The following INPP5D variants were observed in gnomAD, a reference collection of about 807,000 sequenced individuals.
INPP5D encodes the protein inositol polyphosphate-5-phosphatase D, also known as phosphatidylinositol 3,4,5-trisphosphate 5-phosphatase 1.
A neutral mutation model predicts 122.9 loss-of-function variants in INPP5D; 33 were observed. That is an observed-to-expected ratio of 0.27 (90% CI 0.20 to 0.36). The LOEUF (loss-of-function observed/expected upper bound fraction) is 0.36. Ranked by LOEUF, INPP5D falls within the 10% of genes least tolerant of loss-of-function variation. The pLI is 1.00. For missense variants in INPP5D, 1,053 were observed against 1,412.7 expected (o/e 0.75, Z 4.08); for synonymous variants, 584 against 576.2 (o/e 1.01, Z -0.19).
In INPP5D at chr2:233,177,684, G is replaced by A. The variant is rs555953973; in HGVS notation, c.2071+338G>A. Among the ~76,000 whole-genome samples the A allele has an allele frequency of 2.6e-5, 4 of 152,090 alleles. No individual in the cohort carries two copies. The highest frequency in any genetic ancestry group is 4.2e-4 in the South Asian group (2 of 4,814). ...TACCTCCTGGGTTCAAGCGATTCTC[G>A]TGCCACAGCCTCCCCAAGCAGCTGG... On this transcript the variant is annotated intron_variant, in intron 18 of 26. Transcript: ENST00000445964. This position sits in a 1 kb window ranked among gnomAD's most constrained non-coding sequence, Gnocchi z 4.2.
At chr2:233,147,395 A>G (rs941763219) in intron 8 of INPP5D, 76 bp from the exon 9 acceptor site, 1 of 690,246 alleles carries the variant, frequency 1.4e-6, no homozygotes, top group Non-Finnish European at 2.7e-6. Flanking sequence ...CCATGTAGAC[A>G]AGGGGTTCGG....
intron 1 of INPP5D, among the ~76,000 whole-genome samples, chr2:233,067,548 G>C (rs76999017): frequency 0.013 from 2,054 of 152,244 alleles, 51 homozygotes; most frequent in African/African-American, 0.045. Context: ...CAATATTCTT[G>C]GGTCTATATC....
At chr2:233,199,700 G>A (rs1166021786) in intron 25 of INPP5D, among the ~76,000 whole-genome samples, 3 of 148,128 alleles carry the variant, frequency 2.0e-5, no homozygotes, top group Non-Finnish European at 4.5e-5. Flanking sequence ...GTGCTGGCAC[G>A]CACCTGTAGT....
At chr2:233,095,430 G>A (rs1306597452) in intron 2 of INPP5D, among the ~76,000 whole-genome samples, 2 of 152,060 alleles carry the variant, frequency 1.3e-5, no homozygotes, top group African/African-American at 2.4e-5. Context: ...GACCAGCCTG[G>A]CCAACGTGGT....
chr2:233,169,428 T>A (rs1309678080), intron 14 of INPP5D, 27 bp downstream of exon 14: 1 of 1,567,236 alleles, frequency 6.4e-7, no homozygotes. Flanking sequence ...CCCCCAAGAG[T>A]GTGCATTTGG....
chr2:233,200,309 AG>A (rs1695299219), intron 25 of INPP5D, among the ~76,000 whole-genome samples: 1 of 152,248 alleles, frequency 6.6e-6, no homozygotes, highest in African/African-American at 2.4e-5. Flanking sequence ...ACATGTTTCT[AG>A]TAGCCACAGG....
Position 233,060,529 on chromosome 2 carries a change from G to A in INPP5D, c.51G>A (p.Glu17=), listed in dbSNP as rs777542212. 12 of 1,613,718 alleles carry A rather than the reference G, an allele frequency of 7.4e-6. No homozygotes were observed. The highest frequency in any genetic ancestry group is 6.8e-6 in the Non-Finnish European group (8 of 1,179,818). The change falls in exon 1 of 27, where the codon GAG becomes GAA. Residue 17 remains glutamate (E), a synonymous_variant. Coordinates refer to ENST00000445964, the MANE Select transcript of INPP5D (RefSeq NM_001017915.3). ...ACATCACCCGCTCCAAGGCGGAGGA[G>A]CTGCTTTCCAGGACAGGCAAGGACG... ...HGNITRSKAE[E]LLSRTGKDGS...
Position 233,189,703 on chromosome 2 carries a change from C to A in INPP5D, c.2359-147C>A, listed in dbSNP as rs542389030. 3 of 1,199,336 alleles carry A rather than the reference C, an allele frequency of 2.5e-6. No homozygotes were observed. Among genetic ancestry groups the A allele is most frequent in the African/African-American group, 1.5e-5 (1 of 64,730 alleles). 74.3% of individuals were successfully genotyped at this position (1,199,336 alleles called of 1,614,324 possible). On this transcript the variant is annotated intron_variant, in intron 21 of 26. Coordinates refer to ENST00000445964, the MANE Select transcript of INPP5D (RefSeq NM_001017915.3). The surrounding 1 kb of genome is among the most constrained non-coding windows in gnomAD (Gnocchi z 5.6). ...GACAGGGTGTATGTGAAAGCTATAC[C>A]CCACCTGCTCTCTTGGGTATGGACA...
At position 233,197,197 on chromosome 2, in the gene INPP5D, A is replaced by G. The variant is rs1222802985; in HGVS notation, c.2694-898A>G. ...CCTATACGCTCAGAACTCAGTTCTCAGGAGGCCGGTGCCTGACACAGTGGC... is the reference window on the plus strand; with the variant it reads ...CCTATACGCTCAGAACTCAGTTCTCGGGAGGCCGGTGCCTGACACAGTGGC... On this transcript the variant is annotated intron_variant, in intron 24 of 26. Transcript: ENST00000445964. The surrounding 1 kb of genome is among the most constrained non-coding windows in gnomAD (Gnocchi z 4.4). 6.6e-6 allele frequency among the ~76,000 whole-genome samples: 1 copy of G among 152,204 alleles called. No individual in the cohort carries two copies. The highest frequency in any genetic ancestry group is 1.9e-4 in the East Asian group (1 of 5,200).
chr2:233,092,042 T>C (rs1245081001), intron 2 of INPP5D, among the ~76,000 whole-genome samples: 3 of 152,208 alleles, frequency 2.0e-5, no homozygotes, highest in Non-Finnish European at 1.5e-5. Flanking sequence ...GCTTTCCTGT[T>C]CCGAAATTAT....
At chr2:233,142,619 G>A (rs1693656037) in intron 6 of INPP5D, among the ~76,000 whole-genome samples, 1 of 152,162 alleles carries the variant, frequency 6.6e-6, no homozygotes, top group South Asian at 2.1e-4. Flanking sequence ...ATGCTGGCTG[G>A]CCTGGGGGAT....
chr2:233,201,315 T>C (rs1318217479), intron 25 of INPP5D, among the ~76,000 whole-genome samples: 3 of 152,212 alleles, frequency 2.0e-5, no homozygotes, highest in Non-Finnish European at 2.9e-5. Context: ...TGTAAGTGAA[T>C]GCTTTTCAGC....
In INPP5D at chr2:233,206,969, G is replaced by A; in HGVS notation, c.*261G>A. 1 of 478,412 alleles carries A rather than the reference G, an allele frequency of 2.1e-6. No homozygotes were observed. Among genetic ancestry groups the A allele is most frequent in the Non-Finnish European group, 3.8e-6 (1 of 264,760 alleles). The allele number at this position is 478,412 out of a possible 1,614,324, so 29.6% of individuals were successfully genotyped here. On this transcript the variant is annotated 3_prime_UTR_variant, in exon 27 of 27. Coordinates refer to ENST00000445964, the MANE Select transcript of INPP5D (RefSeq NM_001017915.3). This position sits in a 1 kb window ranked among gnomAD's most constrained non-coding sequence, Gnocchi z 4.0. The stretch of plus-strand genomic sequence containing the variant: ...GTCCCCAGCTCGCTCTTGGTACTTG[G>A]GACCCCAGTGCCTCGTTGAGGGCGC...
intron 5 of INPP5D, chr2:233,131,088 T>A (rs1693312734): frequency 1.2e-6 from 1 of 806,374 alleles, no homozygotes; most frequent in Non-Finnish European, 1.5e-6. Flanking sequence ...AGATTTCCAG[T>A]GATGTCAATT....
At chr2:233,135,887 C>G (rs968393205) in intron 5 of INPP5D, among the ~76,000 whole-genome samples, 1 of 152,144 alleles carries the variant, frequency 6.6e-6, no homozygotes, top group African/African-American at 2.4e-5. Context: ...TACTGAGCAG[C>G]AAAATATGAA....
intron 6 of INPP5D, among the ~76,000 whole-genome samples, chr2:233,141,833 G>A (rs1463204320): frequency 1.3e-5 from 2 of 152,312 alleles, no homozygotes; most frequent in African/African-American, 4.8e-5. Flanking sequence ...CTGGGGAGAA[G>A]GGGACTGGGC....
chr2:233,151,802 C>T (rs1263605949), intron 9 of INPP5D, among the ~76,000 whole-genome samples: 2 of 152,178 alleles, frequency 1.3e-5, no homozygotes, highest in East Asian at 1.9e-4. Flanking sequence ...TGAGAGAACG[C>T]ATGCATGAAT....
intron 6 of INPP5D, chr2:233,141,706 T>A (rs2106274611): frequency 6.6e-6 from 1 of 152,180 alleles, no homozygotes; most frequent in African/African-American, 2.4e-5. Flanking sequence ...TACTGTTAGG[T>A]GGAAAAGCAA....
intron 18 of INPP5D, among the ~76,000 whole-genome samples, chr2:233,181,046 T>C (rs1694771328): frequency 6.6e-6 from 1 of 152,200 alleles, no homozygotes; most frequent in Non-Finnish European, 1.5e-5. Flanking sequence ...AGCCTCCTCT[T>C]TCTTTCCTGC....
Sources: gnomAD v4.1 joint callset for allele counts (sites outside exome capture counted in the v4.1 genomes callset) on GRCh38, gnomAD v4.1.1 for gene constraint, Gnocchi (gnomAD v3.1) non-coding constraint, MANE v1.5 for transcripts, NCBI Gene and HGNC (gene_info 2026-07-23, HGNC 2026-07-21) for gene names.